The following PYCR2 variants were observed in gnomAD, a reference collection of about 807,000 sequenced individuals.
PYCR2 encodes pyrroline-5-carboxylate reductase 2.
Under a neutral mutation model 23.4 loss-of-function variants are expected in PYCR2, and 17 were observed. That is an observed-to-expected ratio of 0.73 (90% CI 0.50 to 1.09). The LOEUF (loss-of-function observed/expected upper bound fraction) is 1.09, where lower values mean the gene tolerates loss of function less well. Ranked by LOEUF, PYCR2 falls within the 50% of genes least tolerant of loss-of-function variation. The pLI, the probability that PYCR2 is intolerant of heterozygous loss-of-function variation, is 0.00. For missense variants in PYCR2, 380 were observed against 423.5 expected, an observed-to-expected ratio of 0.90 and a Z score of 0.90; for synonymous variants, 172 against 176.6, an observed-to-expected ratio of 0.97 and a Z score of 0.21.
In PYCR2 at chr1:225,924,094, A is replaced by C; in HGVS notation, c.17T>G (p.Ile6Ser). Residue 6 changes from isoleucine to serine, a missense_variant, in exon 1 of 7, where the codon ATC (isoleucine) becomes AGC (serine). Ile to Ser is a moderately radical substitution (Grantham distance 142). Transcript: ENST00000343818. Reference sequence around the variant, plus strand: ...AGCATAGGCCAGCTGGCCGGCCCCGATGAAGCCCACGCTCATGGTCCGCGG... The same window carrying C: ...AGCATAGGCCAGCTGGCCGGCCCCGCTGAAGCCCACGCTCATGGTCCGCGG... The part of the protein sequence containing the change: MSVGF[I>S]GAGQLAYALA... The C allele has an allele frequency of 6.5e-7, 1 of 1,545,656 alleles. No individual in the cohort carries two copies. The highest frequency in any genetic ancestry group is 8.7e-7 in the Non-Finnish European group (1 of 1,148,320).
chr1:225,923,989 C>G lies in PYCR2; in HGVS notation c.67+55G>C, dbSNP rs1271995500. On this transcript the variant is annotated intron_variant, in intron 1 of 6. Transcript: ENST00000343818. Reference sequence around the variant, plus strand: ...TTCGCTCATGCTGGTGGGACGGAGGCCCCCTCGGGCCTCGGGACCGCCCGC... The same window carrying G: ...TTCGCTCATGCTGGTGGGACGGAGGGCCCCTCGGGCCTCGGGACCGCCCGC... 4.6e-6 allele frequency: 7 copies of G among 1,526,210 alleles called. No individual in the cohort carries two copies. In the South Asian group the frequency reaches 7.2e-5, roughly 16 times the overall value. The allele number at this position is 1,526,210 out of a possible 1,614,324, so 94.5% of individuals were successfully genotyped here.
Position 225,921,206 on chromosome 1 carries a change from A to C in PYCR2, c.797+2T>G, listed in dbSNP as rs1671826485. 1 of 1,612,378 alleles carries C rather than the reference A, an allele frequency of 6.2e-7. No homozygotes were observed. Among genetic ancestry groups the C allele is most frequent in the Non-Finnish European group, 8.5e-7 (1 of 1,179,054 alleles). On this transcript the variant is annotated splice_donor_variant, in intron 6 of 6. Transcript: ENST00000343818. LOFTEE classifies it high-confidence loss of function. The surrounding 1 kb of genome is among the most constrained non-coding windows in gnomAD (Gnocchi z 4.2). The stretch of plus-strand genomic sequence containing the variant: ...GGACAGAAGTCCGCGGGATGGACTC[A>C]CCGTGTTCGGATACAGGAGGCCTCA...
In PYCR2 at chr1:225,924,250, T is replaced by A; in HGVS notation, c.-140A>T. On this transcript the variant is annotated 5_prime_UTR_variant, in exon 1 of 7. Transcript: ENST00000343818. ...GGCGAGCTAACAGCAGCTTCTGGGA[T>A]GGTGCAACCCTATTCTCCCCCGGCG... is the stretch of plus-strand genomic sequence containing the variant. 2 of 966,306 alleles carry A rather than the reference T, an allele frequency of 2.1e-6. No individual in the cohort carries two copies. Among genetic ancestry groups the A allele is most frequent in the Non-Finnish European group, 3.0e-6 (2 of 669,486 alleles). The allele number at this position is 966,306 out of a possible 1,614,324, so 59.9% of individuals were successfully genotyped here. A position where few individuals can be genotyped will look rare whatever the true frequency, so the allele number is the denominator to read the frequency against.
At chr1:225,923,373 C>G (rs1041558020) in intron 2 of PYCR2, 6 of 929,944 alleles carry the variant, frequency 6.5e-6, no homozygotes, top group Non-Finnish European at 6.7e-6. Flanking sequence ...GCTTGGGCGA[C>G]AGAGTAAGAC....
At chr1:225,920,641 G>A in intron 6 of PYCR2, 21 bp from the exon 7 acceptor site, 1 of 1,610,486 alleles carries the variant, frequency 6.2e-7, no homozygotes, top group Non-Finnish European at 8.5e-7. Flanking sequence ...AACCCCAGAA[G>A]GATTAAAGGA....
chr1:225,921,250 G>A lies in PYCR2; in HGVS notation c.755C>T (p.Ser252Phe), dbSNP rs746305976. The A allele has an allele frequency of 1.9e-6, 3 of 1,614,096 alleles. No homozygotes were observed. Among genetic ancestry groups the A allele is most frequent in the African/African-American group, 2.7e-5 (2 of 75,050 alleles). Residue 252 changes from serine (S) to phenylalanine (F), a missense_variant, in exon 6 of 7, where the codon TCT (serine) becomes TTT (phenylalanine). Transcript: ENST00000343818. The surrounding 1 kb of genome is among the most constrained non-coding windows in gnomAD (Gnocchi z 4.2). ...GGCCTCAACTGCATTGATGAGCAGAGAGCGGAAGCCCCCACTCTCTAGAAA... is the reference window on the plus strand; with the variant it reads ...GGCCTCAACTGCATTGATGAGCAGAAAGCGGAAGCCCCCACTCTCTAGAAA... ...LHFLESGGFR[S>F]LLINAVEASC...
chr1:225,924,069 A>T lies in PYCR2; in HGVS notation c.42T>A (p.Ala14=). 6.5e-7 allele frequency: 1 copy of T among 1,543,980 alleles called. No individual in the cohort carries two copies. The stretch of plus-strand genomic sequence containing the variant: ...CTGCGGCCGTGAAGCCCCGCGCCAG[A>T]GCATAGGCCAGCTGGCCGGCCCCGA... The part of the protein sequence containing the change: ...GFIGAGQLAY[A]LARGFTAAGI... Residue 14 remains alanine (A), a synonymous_variant, in exon 1 of 7, where the codon GCT becomes GCA. Transcript: ENST00000343818.
chr1:225,921,359 T>A lies in PYCR2; in HGVS notation c.646A>T (p.Met216Leu), dbSNP rs567071372. The A allele has an allele frequency of 6.5e-7, 1 of 1,543,296 alleles. No homozygotes were observed. The highest frequency in any genetic ancestry group is 2.2e-5 in the East Asian group (1 of 44,490). ...GAQALLGAAK[M>L]LLDSEQHPCQ... ...GGATGCTGCTCCGAGTCCAGCAGCA[T>A]CTTGGCAGCTCCCTATGGGGAAGGG... Residue 216 changes from methionine (M) to leucine (L), a missense_variant, in exon 6 of 7, where the codon ATG (methionine) becomes TTG (leucine). Transcript: ENST00000343818. The surrounding 1 kb of genome is among the most constrained non-coding windows in gnomAD (Gnocchi z 4.2).
At chr1:225,922,471 G>T (rs1029579921) in intron 2 of PYCR2, 88 bp from the exon 3 acceptor site, 26 of 1,364,664 alleles carry the variant, frequency 1.9e-5, no homozygotes, top group Non-Finnish European at 2.5e-5. Context: ...CTGCCAAACC[G>T]ATTCTGCCAG....
chr1:225,922,994 AACTC>A, intron 2 of PYCR2: 1 of 976,094 alleles, frequency 1.0e-6, no homozygotes, highest in Non-Finnish European at 1.2e-6. Context: ...CAGAACAACT[AACTC>A]ACCAGATTCT....
chr1:225,921,304 G>A lies in PYCR2; in HGVS notation c.701C>T (p.Pro234Leu). The change falls in exon 6 of 7, where the codon CCT becomes CTT. Residue 234 changes from proline (P) to leucine (L), a missense_variant. Coordinates refer to ENST00000343818, the MANE Select transcript of PYCR2 (RefSeq NM_013328.4). The surrounding 1 kb of genome is among the most constrained non-coding windows in gnomAD (Gnocchi z 4.2). Reference sequence around the variant, plus strand: ...CAGGGCGTGGATGGTGGCTCCCCCAGGGGAGCAGACATTGTCCTTAAGCTG... The same window carrying A: ...CAGGGCGTGGATGGTGGCTCCCCCAAGGGAGCAGACATTGTCCTTAAGCTG... The part of the protein sequence containing the change: ...PCQLKDNVCS[P>L]GGATIHALHF... 3 of 1,593,612 alleles carry A rather than the reference G, an allele frequency of 1.9e-6. No homozygotes were observed. Among genetic ancestry groups the A allele is most frequent in the East Asian group, 2.2e-5 (1 of 44,752 alleles).
chr1:225,920,599 G>T lies in PYCR2; in HGVS notation c.819C>A (p.Asp273Glu). The T allele has an allele frequency of 6.2e-7, 1 of 1,613,718 alleles. No individual in the cohort carries two copies. The highest frequency in any genetic ancestry group is 1.3e-5 in the African/African-American group (1 of 74,958). ...IRTRELQSMA[D>E]QEKISPAALK... ...GGGCAGCTGGGGAGATCTTTTCTTG[G>T]TCGGCCATGGACTGTAGCTCTCTGC... The change falls in exon 7 of 7, where the codon GAC (aspartate) becomes GAA (glutamate). Residue 273 changes from aspartate (D) to glutamate (E), a missense_variant. By Grantham distance (45) the Asp-to-Glu change is conservative (BLOSUM62 2). Transcript: ENST00000343818.
intron 2 of PYCR2, chr1:225,922,613 G>C: frequency 1.9e-6 from 1 of 535,208 alleles, no homozygotes; most frequent in Non-Finnish European, 3.3e-6. Context: ...TGGTAACCAG[G>C]AAGTGGCTGC....
Position 225,921,305 on chromosome 1 carries a change from G to C in PYCR2, c.700C>G (p.Pro234Ala). 1 of 1,592,190 alleles carries C rather than the reference G, an allele frequency of 6.3e-7. No individual in the cohort carries two copies. Among genetic ancestry groups the C allele is most frequent in the African/African-American group, 1.3e-5 (1 of 74,540 alleles). Residue 234 changes from proline to alanine, a missense_variant, in exon 6 of 7, where the codon CCT becomes GCT. Physicochemically the swap from Pro to Ala is conservative, Grantham distance 27. Transcript: ENST00000343818. This position sits in a 1 kb window ranked among gnomAD's most constrained non-coding sequence, Gnocchi z 4.2. ...AGGGCGTGGATGGTGGCTCCCCCAG[G>C]GGAGCAGACATTGTCCTTAAGCTGG... ...PCQLKDNVCSPGGATIHALHF... is the reference protein window; with the variant it reads ...PCQLKDNVCSAGGATIHALHF...
In PYCR2 at chr1:225,924,161, A is replaced by G; in HGVS notation, c.-51T>C. 6.6e-7 allele frequency: 1 copy of G among 1,511,656 alleles called. No homozygotes were observed. Among genetic ancestry groups the G allele is most frequent in the East Asian group, 2.5e-5 (1 of 40,226 alleles). The allele number at this position is 1,511,656 out of a possible 1,614,324, so 93.6% of individuals were successfully genotyped here. A position where few individuals can be genotyped will look rare whatever the true frequency, so the allele number is the denominator to read the frequency against. Reference sequence around the variant, plus strand: ...GCCGCACGAACCCCCTCAGCGAGGGACCGGAAGTAACGCTAGGGGAAGGGC... The same window carrying G: ...GCCGCACGAACCCCCTCAGCGAGGGGCCGGAAGTAACGCTAGGGGAAGGGC... On this transcript the variant is annotated 5_prime_UTR_variant, in exon 1 of 7. Coordinates refer to ENST00000343818, the MANE Select transcript of PYCR2 (RefSeq NM_013328.4).
Position 225,921,993 on chromosome 1 carries a change from G to A in PYCR2, c.405C>T (p.Tyr135=), listed in dbSNP as rs375689697. The A allele has an allele frequency of 1.1e-5, 17 of 1,614,032 alleles. No homozygotes were observed. Among genetic ancestry groups the A allele is most frequent in the Middle Eastern group, 1.6e-4 (1 of 6,084 alleles). Residue 135 remains tyrosine, a synonymous_variant, in exon 4 of 7, where the codon TAC becomes TAT. Coordinates refer to ENST00000343818, the MANE Select transcript of PYCR2 (RefSeq NM_013328.4). This position sits in a 1 kb window ranked among gnomAD's most constrained non-coding sequence, Gnocchi z 4.2. ...CCACCAGGGCATGGGTGCCCGTGGCGTACACTGTAGCGCCTTCCTGCACTA... is the reference window on the plus strand; with the variant it reads ...CCACCAGGGCATGGGTGCCCGTGGCATACACTGTAGCGCCTTCCTGCACTA... The part of the protein sequence containing the change: ...PVVVQEGATV[Y]ATGTHALVED...
chr1:225,920,087 T>C lies in PYCR2; in HGVS notation c.*368A>G, dbSNP rs14868. ...CCTGTTTTCTCCTCACCACTTTGCC[T>C]TGGCATCACACCAACCCTGCCTCGG... On this transcript the variant is annotated 3_prime_UTR_variant, in exon 7 of 7. Coordinates refer to ENST00000343818, the MANE Select transcript of PYCR2 (RefSeq NM_013328.4). The C allele has an allele frequency of 0.11, 17,924 of 166,122 alleles. 1,184 individuals carry two copies. The highest frequency in any genetic ancestry group is 0.16 in the South Asian group (840 of 5,332). The allele number at this position is 166,122 out of a possible 1,614,324, so 10.3% of individuals were successfully genotyped here. A position where few individuals can be genotyped will look rare whatever the true frequency, so the allele number is the denominator to read the frequency against.
Position 225,921,521 on chromosome 1 carries a change from G to C in PYCR2, c.633+31C>G, listed in dbSNP as rs373568088. 88 of 1,611,386 alleles carry C rather than the reference G, an allele frequency of 5.5e-5. No individual in the cohort carries two copies. In the African/African-American group the frequency reaches 8.3e-4, roughly 15 times the overall value. On this transcript the variant is annotated intron_variant, in intron 5 of 6. Coordinates refer to ENST00000343818, the MANE Select transcript of PYCR2 (RefSeq NM_013328.4). The surrounding 1 kb of genome is among the most constrained non-coding windows in gnomAD (Gnocchi z 4.2). Reference sequence around the variant, plus strand: ...CACAAGAACCCCCATTCTACACCCTGGTCCTGAACATGCGGGGGAAAGATA... The same window carrying C: ...CACAAGAACCCCCATTCTACACCCTCGTCCTGAACATGCGGGGGAAAGATA...
At position 225,920,170 on chromosome 1, in the gene PYCR2, G is replaced by T; in HGVS notation, c.*285C>A. 4.6e-6 allele frequency: 1 copy of T among 217,696 alleles called. No homozygotes were observed. The highest frequency in any genetic ancestry group is 9.0e-6 in the Non-Finnish European group (1 of 110,726). The allele number at this position is 217,696 out of a possible 1,614,324, so 13.5% of individuals were successfully genotyped here. A position where few individuals can be genotyped will look rare whatever the true frequency, so the allele number is the denominator to read the frequency against. Reference sequence around the variant, plus strand: ...CCCAGCTGGGCTGACTCCAGTCCCAGCCCCAGTCTCCACCAACTGAGCAGC... The same window carrying T: ...CCCAGCTGGGCTGACTCCAGTCCCATCCCCAGTCTCCACCAACTGAGCAGC... On this transcript the variant is annotated 3_prime_UTR_variant, in exon 7 of 7. Coordinates refer to ENST00000343818, the MANE Select transcript of PYCR2 (RefSeq NM_013328.4).
Sources: allele counts gnomAD v4.1 joint callset, GRCh38; gene constraint gnomAD v4.1.1; non-coding constraint Gnocchi (gnomAD v3.1); transcripts MANE v1.5; gene names NCBI Gene and HGNC (gene_info 2026-07-23, HGNC 2026-07-21).